Variants in WDPCP observed in about 807,000 individuals in gnomAD.
The protein encoded by WDPCP is WD repeat containing planar cell polarity effector.
Under a neutral mutation model 93.1 loss-of-function variants are expected in WDPCP, and 71 were observed. The observed-to-expected ratio is 0.76, with a 90% CI of 0.63 to 0.93. The LOEUF (loss-of-function observed/expected upper bound fraction) is 0.93, where lower values mean the gene tolerates loss of function less well. Among genes scored for constraint, WDPCP ranks in the 40% least tolerant of loss-of-function variants. The pLI is 0.00. For synonymous variants in WDPCP, 315 were observed against 315.0 expected (o/e 1.00, Z 0.00); for missense variants, 844 against 887.4 (o/e 0.95, Z 0.62).
chr2:63,819,650 G>A (rs1294220676), intron 1 of WDPCP, among the ~76,000 whole-genome samples: 2 of 152,132 alleles, frequency 1.3e-5, no homozygotes, highest in African/African-American at 2.4e-5. Flanking sequence ...GGGTGATACT[G>A]TTGCTTCTGG....
chr2:63,619,369 C>T (rs571416014), intron 3 of WDPCP, among the ~76,000 whole-genome samples: 5 of 152,176 alleles, frequency 3.3e-5, no homozygotes, highest in African/African-American at 1.2e-4. Context: ...TCCCTCCTAC[C>T]CTTGATGACT....
intron 3 of WDPCP, 25 bp downstream of exon 3, chr2:63,487,422 T>A: frequency 6.5e-7 from 1 of 1,539,164 alleles, no homozygotes; most frequent in South Asian, 1.1e-5. Context: ...TAATAAAAAT[T>A]AATTGCACAG....
In WDPCP at chr2:63,209,208, A is replaced by G. The variant is rs1379985320; in HGVS notation, c.1916-34376T>C. ...ACTTTTTGTAACTGTAGAATTGCAT[A>G]ACACTTTATTCCATAAAATAGAATA... On this transcript the variant is annotated intron_variant, in intron 14 of 17. Coordinates refer to ENST00000272321, the MANE Select transcript of WDPCP (RefSeq NM_015910.7). Among the ~76,000 whole-genome samples, 3 of 152,248 alleles carry G rather than the reference A, an allele frequency of 2.0e-5. No individual in the cohort carries two copies. The East Asian group carries it at 5.8e-4, about 29-fold the overall frequency.
At chr2:63,374,217 C>T (rs564240186) in intron 12 of WDPCP, among the ~76,000 whole-genome samples, 1 of 152,200 alleles carries the variant, frequency 6.6e-6, no homozygotes, top group African/African-American at 2.4e-5. Context: ...CTCCTATCCT[C>T]TGAGTACACA....
chr2:63,460,565 T>C (rs1435830387), intron 6 of WDPCP, among the ~76,000 whole-genome samples: 1 of 152,132 alleles, frequency 6.6e-6, no homozygotes, highest in Non-Finnish European at 1.5e-5. Context: ...ATTCTTTGCA[T>C]ATAAACACTC....
intron 14 of WDPCP, among the ~76,000 whole-genome samples, chr2:63,213,160 C>T (rs1313238210): frequency 6.6e-6 from 1 of 152,210 alleles, no homozygotes; most frequent in East Asian, 1.9e-4. Context: ...CCCAAAGCAA[C>T]AGAATATACA....
In WDPCP at chr2:63,708,068, G is replaced by C. The variant is rs187352765; in HGVS notation, n.309-57230C>G. On this transcript the variant is annotated intron_variant and non_coding_transcript_variant, in intron 2 of 4. Coordinates refer to the WDPCP transcript ENST00000467687. ...GGGTGCCTCCCAGTTAGGCTACTTG[G>C]GGGTCAGGGAACCACTTGAGGAGGC... Among the ~76,000 whole-genome samples the C allele has an allele frequency of 1.6e-3, 248 of 152,274 alleles. 1 individual carries two copies. The highest frequency in any genetic ancestry group is 4.8e-3 in the African/African-American group (198 of 41,570).
chr2:63,687,710 A>G (rs1366065419), intron 2 of WDPCP, among the ~76,000 whole-genome samples: 1 of 152,218 alleles, frequency 6.6e-6, no homozygotes, highest in African/African-American at 2.4e-5. Flanking sequence ...ATGTGGAGAA[A>G]AAAGAACCCC....
chr2:63,549,050 A>G (rs1208492674), intron 1 of WDPCP, among the ~76,000 whole-genome samples: 2 of 151,962 alleles, frequency 1.3e-5, no homozygotes, highest in Admixed American at 1.3e-4. Context: ...GGAGTTCAAG[A>G]CCATCCTGGC....
intron 3 of WDPCP, among the ~76,000 whole-genome samples, chr2:63,636,484 C>A (rs1195884582): frequency 6.6e-6 from 1 of 152,110 alleles, no homozygotes; most frequent in Non-Finnish European, 1.5e-5. Context: ...GACTGGAGGG[C>A]AATGTGAAAT....
chr2:63,304,447 G>T (rs1270388336), intron 13 of WDPCP, among the ~76,000 whole-genome samples: 1 of 152,224 alleles, frequency 6.6e-6, no homozygotes, highest in Non-Finnish European at 1.5e-5. Context: ...CTGAAGCAGG[G>T]TGGGGCATCG....
chr2:63,261,696 A>G (rs1370043183), intron 13 of WDPCP, among the ~76,000 whole-genome samples: 1 of 152,184 alleles, frequency 6.6e-6, no homozygotes, highest in African/African-American at 2.4e-5. Context: ...AATTTCATCA[A>G]TAAAGATTTA....
chr2:63,291,855 C>T (rs186687062), intron 13 of WDPCP, among the ~76,000 whole-genome samples: 9 of 150,666 alleles, frequency 6.0e-5, no homozygotes, highest in South Asian at 4.2e-4. Context: ...AAAAGAAGGC[C>T]GGGCGCGGGG....
intron 2 of WDPCP, among the ~76,000 whole-genome samples, chr2:63,668,221 G>A (rs947960830): frequency 6.6e-6 from 1 of 151,990 alleles, no homozygotes; most frequent in Non-Finnish European, 1.5e-5. Context: ...GCTGTCCCTG[G>A]CCATCTCTCC....
intron 2 of WDPCP, among the ~76,000 whole-genome samples, chr2:63,804,976 C>T (rs901396043): frequency 6.6e-6 from 1 of 151,662 alleles, no homozygotes; most frequent in East Asian, 1.9e-4. Flanking sequence ...TGCAGTGAGC[C>T]GAGATGGCAC....
Position 63,122,038 on chromosome 2 carries a change from A to G in WDPCP, c.2209T>C (p.Ser737Pro). The change falls in exon 18 of 18, where the codon TCT (serine) becomes CCT (proline). Residue 737 changes from serine to proline, a missense_variant. Transcript: ENST00000272321. ...AGACCAAAGTGAATCATTTTGAGAG[A>G]ACCACCATCTCTGATTTCCTGCAAA... ...GREQEIRDGG[S>P]LKMIHFGLV 1.2e-6 allele frequency: 2 copies of G among 1,613,022 alleles called. No individual in the cohort carries two copies. The highest frequency in any genetic ancestry group is 1.7e-6 in the Non-Finnish European group (2 of 1,179,290).
chr2:63,646,056 G>T (rs1710045287), intron 3 of WDPCP, among the ~76,000 whole-genome samples: 1 of 152,024 alleles, frequency 6.6e-6, no homozygotes. Flanking sequence ...TTTTCCAGTT[G>T]TTTAGCGGTT....
At chr2:63,555,990 G>A (rs546392118) in intron 1 of WDPCP, among the ~76,000 whole-genome samples, 1 of 152,286 alleles carries the variant, frequency 6.6e-6, no homozygotes, top group Admixed American at 6.5e-5. Flanking sequence ...ACTGGATGGA[G>A]GCTGAGATGG....
intron 12 of WDPCP, among the ~76,000 whole-genome samples, chr2:63,335,894 C>T (rs975102956): frequency 5.3e-5 from 8 of 152,194 alleles, no homozygotes; most frequent in Non-Finnish European, 1.0e-4. Context: ...TCAGACAAAA[C>T]CTGCCAAAAC....
Sources: gnomAD v4.1 joint callset for allele counts (sites outside exome capture counted in the v4.1 genomes callset) on GRCh38, gnomAD v4.1.1 for gene constraint, MANE v1.5 for transcripts, NCBI Gene and HGNC (gene_info 2026-07-23, HGNC 2026-07-21) for gene names.